ACMSD: variants seen among roughly 807,000 people sequenced by gnomAD.
ACMSD encodes the protein 2-amino-3-carboxymuconate-6-semialdehyde decarboxylase.
ACMSD carries 37 observed loss-of-function variants against 45.9 expected under a neutral mutation model. The observed-to-expected ratio is 0.81, with a 90% CI of 0.62 to 1.06. The LOEUF (loss-of-function observed/expected upper bound fraction) is 1.06, where lower values mean the gene tolerates loss of function less well. Ranked by LOEUF, ACMSD falls within the 50% of genes least tolerant of loss-of-function variation. ACMSD has a pLI of 0.00. For synonymous variants in ACMSD, 138 were observed against 148.8 expected (o/e 0.93, Z 0.53); for missense variants, 434 against 420.9 (o/e 1.03, Z -0.27).
At chr2:134,877,252 A>T (rs1040170355) in intron 8 of ACMSD, among the ~76,000 whole-genome samples, 59 of 152,350 alleles carry the variant, frequency 3.9e-4, no homozygotes, top group African/African-American at 1.4e-3. Flanking sequence ...TTATGGGACC[A>T]CCATCACATA....
chr2:134,860,886 T>C (rs560418242), intron 3 of ACMSD, among the ~76,000 whole-genome samples: 156 of 124,926 alleles, frequency 1.2e-3, no homozygotes, highest in African/African-American at 4.3e-3. Context: ...AAAAATTATC[T>C]AGGTGTGGTG....
At chr2:134,869,285 T>C (rs1028799620) in intron 6 of ACMSD, among the ~76,000 whole-genome samples, 4 of 152,094 alleles carry the variant, frequency 2.6e-5, no homozygotes, top group African/African-American at 9.7e-5. Flanking sequence ...TGATCTCACC[T>C]CACTGCAACC....
Position 134,842,068 on chromosome 2 carries a change from G to A in ACMSD, c.58-3165G>A, listed in dbSNP as rs142802872. ...AAACATATCTCTTGTATATAAAACT[G>A]AATTTCCTTGAATGTTTTCAATTGT... On this transcript the variant is annotated intron_variant, in intron 1 of 9. Coordinates refer to ENST00000356140, the MANE Select transcript of ACMSD (RefSeq NM_138326.3). 4.1e-3 allele frequency among the ~76,000 whole-genome samples: 619 copies of A among 152,270 alleles called. 5 individuals are homozygous for A. Among genetic ancestry groups the A allele is most frequent in the African/African-American group, 0.013 (542 of 41,554 alleles).
rs958292678 is a variant in ACMSD at position 134,852,659 on chromosome 2, C to T, written c.103-6602C>T. Among the ~76,000 whole-genome samples, 3 of 152,092 alleles carry T rather than the reference C, an allele frequency of 2.0e-5. No individual in the cohort carries two copies. The East Asian group carries it at 5.8e-4, about 29-fold the overall frequency. Reference sequence around the variant, plus strand: ...GTTTGGGTTGGTTGAAGTAGGGCCTCCCGGGGGAGCTGTCCTTCAGAACCT... The same window carrying T: ...GTTTGGGTTGGTTGAAGTAGGGCCTTCCGGGGGAGCTGTCCTTCAGAACCT... On this transcript the variant is annotated intron_variant, in intron 2 of 9. Transcript: ENST00000356140.
chr2:134,863,947 A>T (rs574220616), intron 5 of ACMSD, among the ~76,000 whole-genome samples: 4 of 152,188 alleles, frequency 2.6e-5, no homozygotes, highest in African/African-American at 9.6e-5. Context: ...ACTGTGCAAA[A>T]GAATCGTGTT....
At chr2:134,851,296 G>A (rs1330651593) in intron 2 of ACMSD, among the ~76,000 whole-genome samples, 5 of 152,138 alleles carry the variant, frequency 3.3e-5, no homozygotes. Flanking sequence ...TTTTTGGTAG[G>A]ACAATTTATT....
chr2:134,864,398 C>G (rs1460276138), intron 5 of ACMSD, among the ~76,000 whole-genome samples: 1 of 152,060 alleles, frequency 6.6e-6, no homozygotes, highest in Non-Finnish European at 1.5e-5. Context: ...CATAATCCAG[C>G]CTCCCAAAGA....
chr2:134,901,549 C>T (rs1559075416), intron 9 of ACMSD, among the ~76,000 whole-genome samples: 1 of 152,160 alleles, frequency 6.6e-6, no homozygotes, highest in African/African-American at 2.4e-5. Context: ...CAAACAAGGG[C>T]ACCTCCTAAG....
At chr2:134,847,949 T>C (rs2104821623) in intron 2 of ACMSD, among the ~76,000 whole-genome samples, 1 of 152,218 alleles carries the variant, frequency 6.6e-6, no homozygotes, top group South Asian at 2.1e-4. Flanking sequence ...CCTCCCGGGT[T>C]CAAGTGATTC....
chr2:134,840,738 TTTCTTC>T (rs139007801), intron 1 of ACMSD, among the ~76,000 whole-genome samples: 1 of 151,312 alleles, frequency 6.6e-6, no homozygotes, highest in South Asian at 2.1e-4. Context: ...ATAAACCAGG[TTTCTTC>T]TTCTTTTTTT....
intron 8 of ACMSD, among the ~76,000 whole-genome samples, chr2:134,875,832 A>AT (rs1457719791): frequency 1.3e-5 from 2 of 152,170 alleles, no homozygotes; most frequent in Non-Finnish European, 2.9e-5. Flanking sequence ...AACAGTGGAG[A>AT]TATGTTCTGA....
chr2:134,873,937 A>T (rs1688599536), intron 8 of ACMSD, among the ~76,000 whole-genome samples: 1 of 152,234 alleles, frequency 6.6e-6, no homozygotes, highest in Admixed American at 6.5e-5. Flanking sequence ...AATTGGGGGA[A>T]GGGCTGTTCT....
At chr2:134,881,009 A>C (rs1261741011) in intron 8 of ACMSD, among the ~76,000 whole-genome samples, 3 of 151,994 alleles carry the variant, frequency 2.0e-5, no homozygotes, top group Non-Finnish European at 4.4e-5. Context: ...CACTTTCTTT[A>C]TTTATTTAGA....
Position 134,867,392 on chromosome 2 carries a change from A to G in ACMSD, c.487-187A>G, listed in dbSNP as rs148178804. 1.7e-4 allele frequency: 65 copies of G among 389,802 alleles called. 4 individuals are homozygous for G. The highest frequency in any genetic ancestry group is 1.0e-3 in the African/African-American group (50 of 48,636). 24.1% of individuals were successfully genotyped at this position (389,802 alleles called of 1,614,324 possible). On this transcript the variant is annotated intron_variant, in intron 5 of 9. Transcript: ENST00000356140. ...TTTGTTAATTCCAAGTGTCCCTTTT[A>G]TTTTCTAAGCAGGAGAAGTTTGTCA...
chr2:134,853,140 G>A (rs1280329040), intron 2 of ACMSD, among the ~76,000 whole-genome samples: 2 of 148,312 alleles, frequency 1.3e-5, no homozygotes, highest in East Asian at 2.0e-4. Context: ...TCCAGCCTGG[G>A]GAACAGAGCG....
At chr2:134,885,468 G>T (rs1689366338) in intron 8 of ACMSD, among the ~76,000 whole-genome samples, 2 of 85,522 alleles carry the variant, frequency 2.3e-5, no homozygotes, top group Admixed American at 1.7e-4. Context: ...TTAGATATGT[G>T]ATTTTTTTTC....
chr2:134,843,542 G>A (rs548783418), intron 1 of ACMSD, among the ~76,000 whole-genome samples: 90 of 152,208 alleles, frequency 5.9e-4, no homozygotes, highest in Admixed American at 2.6e-3. Flanking sequence ...GTGGTGAAGG[G>A]AGCTAGGAAA....
chr2:134,839,052 G>A (rs1686663824), intron 1 of ACMSD, among the ~76,000 whole-genome samples: 1 of 152,082 alleles, frequency 6.6e-6, no homozygotes, highest in African/African-American at 2.4e-5. Context: ...CAGCTGCTGG[G>A]AAGATACATG....
Position 134,845,256 on chromosome 2 carries a change from G to C in ACMSD, c.81G>C (p.Val27=). The change falls in exon 2 of 10, where the codon GTG becomes GTC. Residue 27 remains valine, a synonymous_variant. Coordinates refer to ENST00000356140, the MANE Select transcript of ACMSD (RefSeq NM_138326.3). The stretch of plus-strand genomic sequence containing the variant: ...AGAGGTTTGGCTACGGAGGCTGGGT[G>C]CAGCTCCAACACCACAGCAAGGTGA... ...LKKRFGYGGW[V]QLQHHSKGEA... 6.2e-7 allele frequency: 1 copy of C among 1,614,078 alleles called. No homozygotes were observed.
Sources: gnomAD v4.1 joint callset for allele counts (sites outside exome capture counted in the v4.1 genomes callset) on GRCh38, gnomAD v4.1.1 for gene constraint, MANE v1.5 for transcripts, NCBI Gene and HGNC (gene_info 2026-07-23, HGNC 2026-07-21) for gene names.